CEBPZ: variants seen among roughly 807,000 people sequenced by gnomAD.
CEBPZ encodes CCAAT/enhancer-binding protein zeta.
CEBPZ carries 78 observed loss-of-function variants against 104.5 expected under a neutral mutation model. The ratio of observed to expected loss-of-function variants is 0.75; its 90% CI spans 0.62 to 0.90. The LOEUF (loss-of-function observed/expected upper bound fraction) is 0.90. CEBPZ is among the 40% of genes least tolerant of loss of function. CEBPZ has a pLI of 0.00. For missense variants in CEBPZ, 1,439 were observed against 1,233.5 expected (o/e 1.17, Z -2.50); for synonymous variants, 470 against 427.0 (o/e 1.10, Z -1.24).
At chr2:37,206,305 A>G (rs2465489) in intron 13 of CEBPZ, among the ~76,000 whole-genome samples, 129,123 of 152,318 alleles carry the variant, frequency 0.85, 55,321 homozygotes, top group East Asian at 0.99. Flanking sequence ...CTGAGAATTC[A>G]CCACTACCAA....
At position 37,201,771 on chromosome 2, in the gene CEBPZ, C is replaced by T. The variant is rs780364053; in HGVS notation, c.3158G>A (p.Arg1053Lys). 2 of 1,415,240 alleles carry T rather than the reference C, an allele frequency of 1.4e-6. No homozygotes were observed. Among genetic ancestry groups the T allele is most frequent in the African/African-American group, 1.4e-5 (1 of 70,606 alleles). The allele number at this position is 1,415,240 out of a possible 1,614,324, so 87.7% of individuals were successfully genotyped here. The change falls in exon 16 of 16, where the codon AGG (arginine) becomes AAG (lysine). Residue 1053 changes from arginine (R) to lysine (K), a missense_variant. Physicochemically the swap from Arg to Lys is conservative, Grantham distance 26. Transcript: ENST00000234170. ...ATAATTTACATTAATAACTCATTTC[C>T]TTTGTTTTTTAGTTTTTTGAGTGGT... ...IKTTQKTKKQ[R>K]K
rs1348946728 is a variant in CEBPZ at position 37,228,866 on chromosome 2, T to C, written c.327A>G (p.Glu109=). ...CTTCTTTTTTGCTGGAATTTTCTTT[T>C]TCAGCTGGTTCATCTTCTTCAACTA... The part of the protein sequence containing the change: ...ASLVEEDEPA[E]KENSSKKEVK... Residue 109 remains glutamate (E), a synonymous_variant, in exon 2 of 16, where the codon GAA becomes GAG. Coordinates refer to ENST00000234170, the MANE Select transcript of CEBPZ (RefSeq NM_005760.3). The C allele has an allele frequency of 1.9e-6, 3 of 1,599,594 alleles. No homozygotes were observed. Among genetic ancestry groups the C allele is most frequent in the Admixed American group, 3.5e-5 (2 of 56,358 alleles).
At position 37,201,804 on chromosome 2, in the gene CEBPZ, CTCT is replaced by C. The variant is rs751331531; in HGVS notation, c.3122_3124del (p.Lys1041del). On this transcript the variant is annotated inframe_deletion, in exon 16 of 16. Coordinates refer to ENST00000234170, the MANE Select transcript of CEBPZ (RefSeq NM_005760.3). ...TTTAGTTTTTTGAGTGGTTTTAATC[CTCT>C]TCTTTTTAAAATGTTTCTTTTTCTT... 1.3e-5 allele frequency: 20 copies of C among 1,570,498 alleles called. No individual in the cohort carries two copies. The highest frequency in any genetic ancestry group is 6.7e-5 in the South Asian group (6 of 90,136).
At position 37,216,953 on chromosome 2, in the gene CEBPZ, T is replaced by C. The variant is rs78126426; in HGVS notation, c.2208+31A>G. The C allele has an allele frequency of 4.1e-3, 6,454 of 1,560,020 alleles. 27 individuals carry two copies. Among genetic ancestry groups the C allele is most frequent in the Non-Finnish European group, 4.5e-3 (5,123 of 1,134,580 alleles). The stretch of plus-strand genomic sequence containing the variant: ...ATCTAAAATGATACTTTTTTTCTTA[T>C]TTCTCATCTTTGGATTTATTTTAGA... On this transcript the variant is annotated intron_variant, in intron 6 of 15. Coordinates refer to ENST00000234170, the MANE Select transcript of CEBPZ (RefSeq NM_005760.3).
rs558130949 is a variant in CEBPZ, at chr2:37,228,102, C to A, written c.1091G>T (p.Arg364Leu). The change falls in exon 2 of 16, where the codon CGA (arginine) becomes CTA (leucine). Residue 364 changes from arginine (R) to leucine (L), a missense_variant. By Grantham distance (102) the Arg-to-Leu change is moderately radical (BLOSUM62 -2). Transcript: ENST00000234170. ...CAGCTCATGAGCCACGGTAAGGGCT[C>A]GAGTTTTAGTGGTTACTAATGTATC... Reference protein sequence around the residue: ...SHDTLVTTKTRALTVAHELLC... With the variant: ...SHDTLVTTKTLALTVAHELLC... 6.1e-5 allele frequency: 99 copies of A among 1,614,180 alleles called. 1 individual carries two copies. The South Asian group carries it at 1.0e-3, about 17-fold the overall frequency.
chr2:37,227,451 TAA>T, intron 2 of CEBPZ, 91 bp downstream of exon 2: 1 of 1,365,102 alleles, frequency 7.3e-7, no homozygotes, highest in Non-Finnish European at 9.7e-7. Context: ...CCAAATTTTC[TAA>T]CTCTTTTTCT....
chr2:37,216,920 TATTG>T (rs1664600065), intron 6 of CEBPZ, 60 bp downstream of exon 6: 1 of 1,320,116 alleles, frequency 7.6e-7, no homozygotes, highest in Non-Finnish European at 1.1e-6. Context: ...TATGACCAAT[TATTG>T]ATTATCTAAA....
rs997236083 is a variant in CEBPZ at position 37,212,326 on chromosome 2, G to A, written c.2603+9C>T. On this transcript the variant is annotated intron_variant, in intron 11 of 15. Coordinates refer to ENST00000234170, the MANE Select transcript of CEBPZ (RefSeq NM_005760.3). ...GAAAAATAGGAAGGAGAAGATAGAA[G>A]TATGTTACCCAGCAAAATCCATATC... is the stretch of plus-strand genomic sequence containing the variant. 1 of 1,610,738 alleles carries A rather than the reference G, an allele frequency of 6.2e-7. No individual in the cohort carries two copies.
At chr2:37,217,393 C>G (rs1362173309) in intron 5 of CEBPZ, among the ~76,000 whole-genome samples, 1 of 151,572 alleles carries the variant, frequency 6.6e-6, no homozygotes, top group Non-Finnish European at 1.5e-5. Context: ...AGAGTGAGAC[C>G]CTATTTCAAC....
chr2:37,222,525 A>T lies in CEBPZ; in HGVS notation c.1920T>A (p.Asp640Glu). 6.3e-7 allele frequency: 1 copy of T among 1,591,808 alleles called. No homozygotes were observed. The highest frequency in any genetic ancestry group is 1.2e-5 in the South Asian group (1 of 85,634). Residue 640 changes from aspartate (D) to glutamate (E), a missense_variant, in exon 4 of 16, where the codon GAT (aspartate) becomes GAA (glutamate). Asp to Glu is a conservative substitution (Grantham distance 45, BLOSUM62 2). Coordinates refer to ENST00000234170, the MANE Select transcript of CEBPZ (RefSeq NM_005760.3). ...CAGTGAATTTTTCCATGTCTTCATCATCATTTGCATCAATAAAATTTTCTT... is the reference window on the plus strand; with the variant it reads ...CAGTGAATTTTTCCATGTCTTCATCTTCATTTGCATCAATAAAATTTTCTT... ...DDEENFIDAN[D>E]DEDMEKFTDA... is the part of the protein sequence containing the mutation.
chr2:37,214,090 T>G, intron 9 of CEBPZ, 129 bp from the exon 10 acceptor site: 1 of 481,676 alleles, frequency 2.1e-6, no homozygotes, highest in Non-Finnish European at 3.6e-6. Flanking sequence ...TGGAAATAAA[T>G]GACTGAAATT....
intron 13 of CEBPZ, chr2:37,210,203 T>C (rs1257626435): frequency 3.3e-5 from 5 of 152,220 alleles, no homozygotes; most frequent in African/African-American, 1.2e-4. Context: ...ACAACCACTA[T>C]GGTAAACAGT....
At chr2:37,222,297 G>T in intron 4 of CEBPZ, 83 bp downstream of exon 4, 1 of 1,187,048 alleles carries the variant, frequency 8.4e-7, no homozygotes, top group Non-Finnish European at 1.2e-6. Flanking sequence ...AAATAAATAA[G>T]TAAATAAAAT....
intron 13 of CEBPZ, chr2:37,210,377 C>T (rs1242249317): frequency 6.6e-6 from 1 of 152,130 alleles, no homozygotes; most frequent in African/African-American, 2.4e-5. Flanking sequence ...AACCTAAATG[C>T]CCATCAACTA....
At chr2:37,223,079 T>A in intron 3 of CEBPZ, 91 bp downstream of exon 3, 1 of 1,015,774 alleles carries the variant, frequency 9.8e-7, no homozygotes, top group Non-Finnish European at 1.5e-6. Flanking sequence ...TCCAGAGAAC[T>A]AGGTTACTGT....
intron 13 of CEBPZ, among the ~76,000 whole-genome samples, chr2:37,208,636 G>A (rs375003552): frequency 5.1e-4 from 77 of 152,170 alleles, no homozygotes; most frequent in Middle Eastern, 3.4e-3. Flanking sequence ...TACAAGGGAC[G>A]TACCTTAAAA....
chr2:37,218,978 T>C (rs1414870989), intron 5 of CEBPZ, among the ~76,000 whole-genome samples: 1 of 152,228 alleles, frequency 6.6e-6, no homozygotes, highest in African/African-American at 2.4e-5. Flanking sequence ...ATCACATTGT[T>C]AGAACCACTG....
In CEBPZ at chr2:37,227,848, C is replaced by A. The variant is rs1191985139; in HGVS notation, c.1345G>T (p.Ala449Ser). The change falls in exon 2 of 16, where the codon GCT (alanine) becomes TCT (serine). Residue 449 changes from alanine (A) to serine (S), a missense_variant. Ala to Ser is a moderately conservative substitution (Grantham distance 99). Transcript: ENST00000234170. ...YYAICFLNQM[A>S]LSHEESELAN... ...AATTCACTTTCTTCATGGGACAGAGCCATTTGATTTAAAAAGCAAATTGCA... is the reference window on the plus strand; with the variant it reads ...AATTCACTTTCTTCATGGGACAGAGACATTTGATTTAAAAAGCAAATTGCA... 1 of 1,613,910 alleles carries A rather than the reference C, an allele frequency of 6.2e-7. No homozygotes were observed. The highest frequency in any genetic ancestry group is 1.3e-5 in the African/African-American group (1 of 74,918).
chr2:37,220,177 C>T (rs1156387949), intron 5 of CEBPZ, among the ~76,000 whole-genome samples: 12 of 151,696 alleles, frequency 7.9e-5, no homozygotes, highest in African/African-American at 2.4e-4. Flanking sequence ...ATTAGCTGGG[C>T]GTGGTGGTGG....
Sources: allele counts gnomAD v4.1 joint callset (sites outside exome capture counted in the v4.1 genomes callset), GRCh38; gene constraint gnomAD v4.1.1; transcripts MANE v1.5; gene names NCBI Gene and HGNC (gene_info 2026-07-23, HGNC 2026-07-21).